Variants in WDR7 observed in about 807,000 individuals in gnomAD.
WDR7 encodes WD repeat-containing protein 7.
In WDR7, 46 loss-of-function variants were observed where a neutral mutation model predicts 169.4. The observed-to-expected ratio is 0.27, with a 90% CI of 0.21 to 0.35. WDR7 has a LOEUF of 0.35. Ranked by LOEUF, WDR7 falls within the 10% of genes least tolerant of loss-of-function variation. The pLI is 1.00. For synonymous variants in WDR7, 612 were observed against 666.8 expected (o/e 0.92, Z 1.27); for missense variants, 1,534 against 1,859.3 (o/e 0.83, Z 3.22).
At chr18:56,771,617 C>T (rs1432094389) in intron 16 of WDR7, among the ~76,000 whole-genome samples, 1 of 137,670 alleles carries the variant, frequency 7.3e-6, no homozygotes, top group Non-Finnish European at 1.5e-5. Flanking sequence ...CACGGTGGTT[C>T]ATGCCTGTAA....
intron 20 of WDR7, among the ~76,000 whole-genome samples, chr18:56,829,344 A>C (rs2045269722): frequency 6.6e-6 from 1 of 151,952 alleles, no homozygotes; most frequent in African/African-American, 2.4e-5. Flanking sequence ...AAACCTAGCC[A>C]CCCTGAGGGT....
At chr18:56,705,305 T>A (rs2025923581) in intron 12 of WDR7, among the ~76,000 whole-genome samples, 1 of 152,118 alleles carries the variant, frequency 6.6e-6, no homozygotes, top group Non-Finnish European at 1.5e-5. Context: ...ATATCTTTTT[T>A]TTTTTTGTAA....
At chr18:56,825,221 A>G (rs555562237) in intron 20 of WDR7, among the ~76,000 whole-genome samples, 4 of 152,150 alleles carry the variant, frequency 2.6e-5, no homozygotes, top group African/African-American at 4.8e-5. Context: ...TCATAATACT[A>G]TTTTCCAGTA....
At chr18:56,759,900 T>C (rs2043956070) in intron 16 of WDR7, among the ~76,000 whole-genome samples, 1 of 152,168 alleles carries the variant, frequency 6.6e-6, no homozygotes, top group Non-Finnish European at 1.5e-5. Flanking sequence ...GAGACTTACT[T>C]TAACATCCTT....
intron 14 of WDR7, among the ~76,000 whole-genome samples, chr18:56,754,281 GTGTGTATA>G (rs1262833043): frequency 8.0e-6 from 1 of 124,396 alleles, no homozygotes; most frequent in African/African-American, 2.9e-5. Context: ...GTGTGTGTGT[GTGTGTATA>G]TGTGTGTGTG....
chr18:56,713,514 G>C (rs1257117529), intron 12 of WDR7, among the ~76,000 whole-genome samples: 1 of 152,138 alleles, frequency 6.6e-6, no homozygotes, highest in African/African-American at 2.4e-5. Flanking sequence ...GGAATAATTT[G>C]AGGCATAAAT....
intron 14 of WDR7, among the ~76,000 whole-genome samples, chr18:56,736,378 T>C (rs2026699079): frequency 6.6e-6 from 1 of 152,022 alleles, no homozygotes; most frequent in Admixed American, 6.6e-5. Flanking sequence ...AATTACAAGA[T>C]AGAAATTGAG....
rs191918235 is a variant in WDR7 at position 56,686,519 on chromosome 18, G to A, written c.598-336G>A. Reference sequence around the variant, plus strand: ...GAATTTTTAGGCATGGAATTCAGGAGAAGATAGAGGAATTAATTGGATTTT... The same window carrying A: ...GAATTTTTAGGCATGGAATTCAGGAAAAGATAGAGGAATTAATTGGATTTT... On this transcript the variant is annotated intron_variant, in intron 6 of 27. Coordinates refer to ENST00000254442, the MANE Select transcript of WDR7 (RefSeq NM_015285.3). 1.7e-4 allele frequency among the ~76,000 whole-genome samples: 26 copies of A among 152,180 alleles called. No homozygotes were observed. In the East Asian group the frequency reaches 4.8e-3, roughly 28 times the overall value.
downstream of WDR7, chr18:57,034,277 C>G (rs1174660925): frequency 6.6e-6 from 1 of 152,278 alleles, no homozygotes; most frequent in Non-Finnish European, 1.5e-5. Context: ...AAAGGCCATC[C>G]CAGCTCCAGA....
At chr18:56,982,942 A>T (rs907460859) in intron 26 of WDR7, among the ~76,000 whole-genome samples, 1 of 152,196 alleles carries the variant, frequency 6.6e-6, no homozygotes, top group African/African-American at 2.4e-5. Context: ...CAGTTTCCTC[A>T]GCCAATAAGA....
intron 15 of WDR7, among the ~76,000 whole-genome samples, chr18:56,758,316 C>T (rs1294317767): frequency 6.6e-6 from 1 of 152,158 alleles, no homozygotes; most frequent in Non-Finnish European, 1.5e-5. Flanking sequence ...TCCCTTAACC[C>T]TATGAGGTAT....
At chr18:56,817,316 C>T (rs2044991933) in intron 20 of WDR7, among the ~76,000 whole-genome samples, 2 of 150,118 alleles carry the variant, frequency 1.3e-5, no homozygotes, top group South Asian at 2.1e-4. Flanking sequence ...TGCGCTCCAG[C>T]CTAGGCAACA....
intron 21 of WDR7, among the ~76,000 whole-genome samples, chr18:56,893,492 C>G (rs1266185513): frequency 1.3e-5 from 2 of 151,974 alleles, no homozygotes; most frequent in Non-Finnish European, 2.9e-5. Flanking sequence ...TGTTTGTAGA[C>G]CACCTGCCAT....
At chr18:56,705,174 A>T (rs2025920666) in intron 12 of WDR7, among the ~76,000 whole-genome samples, 1 of 152,162 alleles carries the variant, frequency 6.6e-6, no homozygotes, top group African/African-American at 2.4e-5. Flanking sequence ...GAAGAAATGA[A>T]TTACCTTTTA....
At chr18:57,005,288 T>A (rs919269025) in intron 26 of WDR7, among the ~76,000 whole-genome samples, 3 of 152,120 alleles carry the variant, frequency 2.0e-5, no homozygotes, top group Admixed American at 6.5e-5. Context: ...CTTCCTTTTT[T>A]AAAAAAAGCA....
chr18:57,022,119 A>G (rs931555957), intron 27 of WDR7, among the ~76,000 whole-genome samples: 3 of 152,188 alleles, frequency 2.0e-5, no homozygotes, highest in African/African-American at 7.2e-5. Context: ...GTGAGTATCC[A>G]CAGCACTGGT....
rs548065289 is a variant in WDR7, at chr18:56,916,592, A to G, written c.3527-7330A>G. On this transcript the variant is annotated intron_variant, in intron 21 of 27. Coordinates refer to ENST00000254442, the MANE Select transcript of WDR7 (RefSeq NM_015285.3). The stretch of plus-strand genomic sequence containing the variant: ...ACGTCACTAGTTTTACAACTTTTAA[A>G]ATCCTTAATTATCTTGTGCCATTTC... Among the ~76,000 whole-genome samples, 21 of 152,328 alleles carry G rather than the reference A, an allele frequency of 1.4e-4. No homozygotes were observed. The South Asian group carries it at 4.4e-3, about 32-fold the overall frequency.
chr18:56,963,585 CCTT>C (rs1345393661), intron 26 of WDR7, among the ~76,000 whole-genome samples: 6 of 152,076 alleles, frequency 3.9e-5, no homozygotes, highest in African/African-American at 1.4e-4. Flanking sequence ...TTTGTTCAGA[CCTT>C]CTCAAAGTCT....
At chr18:57,020,376 T>A (rs1388496350) in intron 26 of WDR7, among the ~76,000 whole-genome samples, 1 of 152,224 alleles carries the variant, frequency 6.6e-6, no homozygotes, top group African/African-American at 2.4e-5. Flanking sequence ...TGAGCAAAGT[T>A]CCTGGATACT....
Sources: gnomAD v4.1 joint callset for allele counts (sites outside exome capture counted in the v4.1 genomes callset) on GRCh38, gnomAD v4.1.1 for gene constraint, MANE v1.5 for transcripts, NCBI Gene and HGNC (gene_info 2026-07-23, HGNC 2026-07-21) for gene names.